Variants in IMPA1 observed in about 807,000 individuals in gnomAD.
IMPA1 encodes D-galactose 1-phosphate phosphatase.
IMPA1 carries 21 observed loss-of-function variants against 34.9 expected under a neutral mutation model. The ratio of observed to expected loss-of-function variants is 0.60; its 90% CI spans 0.43 to 0.87. The LOEUF is 0.87. IMPA1 is among the 40% of genes least tolerant of loss of function. IMPA1 has a pLI of 0.00. For synonymous variants in IMPA1, 95 were observed against 104.4 expected (o/e 0.91, Z 0.55); for missense variants, 299 against 336.4 (o/e 0.89, Z 0.87).
intron 7 of IMPA1, among the ~76,000 whole-genome samples, chr8:81,663,875 TA>T (rs1457086393): frequency 6.6e-6 from 1 of 151,878 alleles, no homozygotes; most frequent in Non-Finnish European, 1.5e-5. Context: ...CCATCTCTAC[TA>T]AAAATACAAA....
chr8:81,671,147 C>T (rs959635508), intron 6 of IMPA1, 100 bp from the exon 7 acceptor site: 18 of 524,456 alleles, frequency 3.4e-5, no homozygotes, highest in Middle Eastern at 3.6e-4. Context: ...CTTGTTTTAT[C>T]GTGTTTCTTT....
At chr8:81,666,846 G>C (rs1347018101) in intron 7 of IMPA1, among the ~76,000 whole-genome samples, 1 of 139,832 alleles carries the variant, frequency 7.2e-6, no homozygotes, top group East Asian at 2.1e-4. Context: ...CTCCAGCCTG[G>C]GTGACAGAGG....
rs1261663255 is a variant in IMPA1 at position 81,679,116 on chromosome 8, TA to T, written c.302+9del. 4.5e-6 allele frequency: 7 copies of T among 1,548,828 alleles called. No individual in the cohort carries two copies. The South Asian group carries it at 7.8e-5, about 17-fold the overall frequency. On this transcript the variant is annotated intron_variant, in intron 4 of 8. Coordinates refer to ENST00000256108, the MANE Select transcript of IMPA1 (RefSeq NM_005536.4). ...CAAAGAGTAATTATATTAGACATTTTAAAACATACCTATGTACAAAGTTAGT... is the reference window on the plus strand; with the variant it reads ...CAAAGAGTAATTATATTAGACATTTTAAACATACCTATGTACAAAGTTAGT...
In IMPA1 at chr8:81,659,200, T is replaced by C. The variant is rs1209737287; in HGVS notation, c.*151A>G. The C allele has an allele frequency of 4.6e-6, 3 of 647,418 alleles. No individual in the cohort carries two copies. The highest frequency in any genetic ancestry group is 5.5e-5 in the East Asian group (2 of 36,094). The allele number at this position is 647,418 out of a possible 1,614,324, so 40.1% of individuals were successfully genotyped here. A position where few individuals can be genotyped will look rare whatever the true frequency, so the allele number is the denominator to read the frequency against. On this transcript the variant is annotated 3_prime_UTR_variant, in exon 9 of 9. Transcript: ENST00000256108. ...AACATTATGTCAATTCTTGCAAACC[T>C]AGACATAGTAAAATAAGAAACAAGT...
In IMPA1 at chr8:81,675,894, C is replaced by T. The variant is rs1807117583; in HGVS notation, c.348+340G>A. On this transcript the variant is annotated intron_variant, in intron 5 of 8. Coordinates refer to ENST00000256108, the MANE Select transcript of IMPA1 (RefSeq NM_005536.4). The stretch of plus-strand genomic sequence containing the variant: ...TCACTAACACCTACTAAAGCATTCC[C>T]AGCTCAAATCTCACCTCTTCCACGA... Among the ~76,000 whole-genome samples, 3 of 152,188 alleles carry T rather than the reference C, an allele frequency of 2.0e-5. No homozygotes were observed. The South Asian group carries it at 6.2e-4, about 32-fold the overall frequency.
In IMPA1 at chr8:81,679,158, G is replaced by A. The variant is rs1429918290; in HGVS notation, c.270C>T (p.Asp90=). ...ILTDNPTWII[D]PIDGTTNFVH... ...CAAAGTTAGTTGTTCCATCAATAGG[G>A]TCAATGATCCATGTGGGGTTGTCGG... The change falls in exon 4 of 9, where the codon GAC becomes GAT. Residue 90 remains aspartate (D), a synonymous_variant. Coordinates refer to ENST00000256108, the MANE Select transcript of IMPA1 (RefSeq NM_005536.4). 1 of 1,613,116 alleles carries A rather than the reference G, an allele frequency of 6.2e-7. No homozygotes were observed. The highest frequency in any genetic ancestry group is 2.2e-5 in the East Asian group (1 of 44,866).
At position 81,657,234 on chromosome 8, in the gene IMPA1, TAAG is replaced by T. The variant is rs1806543306; in HGVS notation, c.*2114_*2116del. Among the ~76,000 whole-genome samples, 10 of 152,002 alleles carry T rather than the reference TAAG, an allele frequency of 6.6e-5. No individual in the cohort carries two copies. Among genetic ancestry groups the T allele is most frequent in the Admixed American group, 6.6e-4 (10 of 15,236 alleles). The stretch of plus-strand genomic sequence containing the variant: ...AGTTGGAAAGATTACAGGCAAAAAA[TAAG>T]AACATATATTAAATTACATTTGCAA... On this transcript the variant is annotated 3_prime_UTR_variant, in exon 9 of 9. Transcript: ENST00000256108.
At chr8:81,683,004 G>C (rs781780963) in intron 1 of IMPA1, among the ~76,000 whole-genome samples, 2 of 152,190 alleles carry the variant, frequency 1.3e-5, no homozygotes, top group Non-Finnish European at 2.9e-5. Flanking sequence ...TTAAGGAGAA[G>C]AAGTGCAATG....
intron 3 of IMPA1, 128 bp downstream of exon 3, chr8:81,680,522 A>T: frequency 2.9e-6 from 2 of 690,004 alleles, no homozygotes; most frequent in South Asian, 1.9e-5. Flanking sequence ...TGCAGCCTTG[A>T]CCAACACTTT....
intron 4 of IMPA1, 35 bp from the exon 5 acceptor site, chr8:81,676,314 C>A: frequency 9.7e-7 from 1 of 1,033,606 alleles, no homozygotes; most frequent in South Asian, 1.6e-5. Context: ...TACAAATTAA[C>A]CAACATAGAA....
At chr8:81,662,586 G>A (rs1053011286) in intron 7 of IMPA1, among the ~76,000 whole-genome samples, 53 of 152,202 alleles carry the variant, frequency 3.5e-4, no homozygotes, top group Admixed American at 4.6e-4. Flanking sequence ...GCTGTGGTCC[G>A]CCTATGCAGC....
chr8:81,676,846 A>G (rs1316881818), intron 4 of IMPA1, among the ~76,000 whole-genome samples: 1 of 152,020 alleles, frequency 6.6e-6, no homozygotes, highest in Non-Finnish European at 1.5e-5. Flanking sequence ...TCACGAAATT[A>G]TCTGAGTGTG....
chr8:81,679,086 A>T, intron 4 of IMPA1, 40 bp downstream of exon 4: 11 of 1,290,148 alleles, frequency 8.5e-6, no homozygotes, highest in Non-Finnish European at 1.2e-5. Flanking sequence ...AATCCAGTTA[A>T]TATGCAAAGA....
chr8:81,676,860 G>C (rs1325409791), intron 4 of IMPA1, among the ~76,000 whole-genome samples: 1 of 151,972 alleles, frequency 6.6e-6, no homozygotes, highest in Non-Finnish European at 1.5e-5. Flanking sequence ...GAGTGTGGCG[G>C]TGCACGCCTA....
chr8:81,683,146 G>A (rs1334411327), intron 1 of IMPA1, among the ~76,000 whole-genome samples: 1 of 152,200 alleles, frequency 6.6e-6, no homozygotes, highest in Non-Finnish European at 1.5e-5. Flanking sequence ...CCTGGTACAT[G>A]AAGACTAACT....
intron 7 of IMPA1, among the ~76,000 whole-genome samples, chr8:81,664,756 T>C (rs1016806869): frequency 6.6e-6 from 1 of 151,792 alleles, no homozygotes; most frequent in South Asian, 2.1e-4. Context: ...TTAGGAGATA[T>C]ACCTAATGCT....
intron 1 of IMPA1, among the ~76,000 whole-genome samples, chr8:81,684,114 TACACACACACACACATACACAC>T (rs1807389123): frequency 1.4e-5 from 2 of 139,748 alleles, no homozygotes; most frequent in Non-Finnish European, 1.5e-5. Flanking sequence ...TATATATATA[TACACACACACACACATACACAC>T]ATACACACAC....
At chr8:81,666,127 G>A (rs1015123490) in intron 7 of IMPA1, among the ~76,000 whole-genome samples, 2 of 152,106 alleles carry the variant, frequency 1.3e-5, no homozygotes, top group Admixed American at 1.3e-4. Flanking sequence ...TTAAAAATGG[G>A]ATAAAGAGAG....
At chr8:81,663,965 G>A (rs1438658527) in intron 7 of IMPA1, among the ~76,000 whole-genome samples, 5 of 152,202 alleles carry the variant, frequency 3.3e-5, no homozygotes, top group Non-Finnish European at 4.4e-5. Flanking sequence ...CTTGAACCCC[G>A]GAGGCGGAGG....
Sources: allele counts gnomAD v4.1 joint callset (sites outside exome capture counted in the v4.1 genomes callset), GRCh38; gene constraint gnomAD v4.1.1; transcripts MANE v1.5; gene names NCBI Gene and HGNC (gene_info 2026-07-23, HGNC 2026-07-21).